The following TENT2 variants were observed in gnomAD, a reference collection of about 807,000 sequenced individuals.
The protein encoded by TENT2 is terminal nucleotidyltransferase 2, also known as poly(A) RNA polymerase GLD2.
Under a neutral mutation model 72.2 loss-of-function variants are expected in TENT2, and 44 were observed. That is an observed-to-expected ratio of 0.61 (90% CI 0.48 to 0.78). The LOEUF is 0.78. Among genes scored for constraint, TENT2 ranks in the 30% least tolerant of loss-of-function variants. The probability of loss-of-function intolerance (pLI) is 0.00; values close to 1 mark genes in which losing one functional copy is unlikely to be tolerated. For missense variants in TENT2, 541 were observed against 569.6 expected (o/e 0.95, Z 0.51); for synonymous variants, 212 against 192.5 (o/e 1.10, Z -0.84).
chr5:79,641,243 GT>G (rs771737857), intron 6 of TENT2, 47 bp downstream of exon 6: 49 of 1,452,896 alleles, frequency 3.4e-5, no homozygotes, highest in Non-Finnish European at 4.4e-5. Flanking sequence ...ATGTTAATGA[GT>G]TAAGAAATTT....
chr5:79,669,071 TG>T, intron 12 of TENT2, 43 bp downstream of exon 12: 1 of 1,595,190 alleles, frequency 6.3e-7, no homozygotes, highest in South Asian at 1.1e-5. Context: ...TATATGTGTG[TG>T]TGTGTGTATG....
intron 11 of TENT2, among the ~76,000 whole-genome samples, chr5:79,661,621 T>C (rs536032374): frequency 1.3e-5 from 2 of 152,322 alleles, no homozygotes; most frequent in East Asian, 3.9e-4. Flanking sequence ...GTCTAAAAAA[T>C]GTACATACCT....
At chr5:79,629,003 T>C (rs10072676) in intron 4 of TENT2, among the ~76,000 whole-genome samples, 3 of 152,116 alleles carry the variant, frequency 2.0e-5, no homozygotes, top group Non-Finnish European at 2.9e-5. Flanking sequence ...AAAATGGAGC[T>C]CTGAGTCAGT....
chr5:79,661,944 G>A (rs1803285710), intron 11 of TENT2, among the ~76,000 whole-genome samples: 1 of 152,170 alleles, frequency 6.6e-6, no homozygotes, highest in African/African-American at 2.4e-5. Flanking sequence ...CTAAGTTTAT[G>A]TAATGTTCTA....
intron 11 of TENT2, among the ~76,000 whole-genome samples, chr5:79,666,895 A>G (rs1172247196): frequency 2.0e-5 from 3 of 152,204 alleles, no homozygotes; most frequent in African/African-American, 4.8e-5. Context: ...AAGGATAGAT[A>G]GAATTACTGT....
chr5:79,674,330 C>T (rs373085514), intron 12 of TENT2, among the ~76,000 whole-genome samples: 3 of 152,056 alleles, frequency 2.0e-5, no homozygotes, highest in African/African-American at 4.8e-5. Context: ...TGCAGTGAGC[C>T]GAGATCGCGC....
chr5:79,673,986 A>G (rs575988530), intron 12 of TENT2, among the ~76,000 whole-genome samples: 51 of 152,324 alleles, frequency 3.3e-4, no homozygotes, highest in African/African-American at 1.0e-3. Context: ...GGGATAAAGG[A>G]ATATGTATTG....
intron 11 of TENT2, among the ~76,000 whole-genome samples, chr5:79,665,906 T>C (rs1247378377): frequency 6.6e-6 from 1 of 152,120 alleles, no homozygotes; most frequent in Non-Finnish European, 1.5e-5. Flanking sequence ...CCTTGTCCTA[T>C]CTGAAGTAGC....
chr5:79,615,546 TATC>T (rs1759016060), intron 1 of TENT2, among the ~76,000 whole-genome samples: 1 of 152,180 alleles, frequency 6.6e-6, no homozygotes, highest in South Asian at 2.1e-4. Context: ...TTGTATTTAA[TATC>T]ATTTTCTCAT....
intron 12 of TENT2, among the ~76,000 whole-genome samples, chr5:79,678,789 CA>C (rs745594387): frequency 3.9e-4 from 60 of 152,354 alleles, no homozygotes; most frequent in Non-Finnish European, 6.9e-4. Context: ...TATTTAATAA[CA>C]CAAGAAGATA....
intron 12 of TENT2, among the ~76,000 whole-genome samples, chr5:79,672,979 A>C (rs970929057): frequency 6.6e-6 from 1 of 152,170 alleles, no homozygotes; most frequent in Non-Finnish European, 1.5e-5. Context: ...TTTGGATAAA[A>C]GCCATTTTAA....
At chr5:79,674,730 G>A (rs1470628434) in intron 12 of TENT2, among the ~76,000 whole-genome samples, 1 of 151,832 alleles carries the variant, frequency 6.6e-6, no homozygotes, top group East Asian at 1.9e-4. Context: ...AATTTTTTTT[G>A]TATTTGAAAT....
intron 10 of TENT2, among the ~76,000 whole-genome samples, chr5:79,654,756 C>T (rs1457260454): frequency 1.4e-5 from 2 of 147,534 alleles, no homozygotes; most frequent in African/African-American, 2.7e-5. Flanking sequence ...AGAGCGAGAC[C>T]CTGTCTCAAA....
At chr5:79,647,906 C>T (rs760798922) in intron 8 of TENT2, among the ~76,000 whole-genome samples, 4 of 151,990 alleles carry the variant, frequency 2.6e-5, no homozygotes, top group Non-Finnish European at 5.9e-5. Context: ...ATAGCTCTTC[C>T]CAGGTATCAA....
At chr5:79,664,143 A>G (rs1005999784) in intron 11 of TENT2, among the ~76,000 whole-genome samples, 1 of 152,214 alleles carries the variant, frequency 6.6e-6, no homozygotes, top group Admixed American at 6.5e-5. Context: ...CATTTCATAT[A>G]AGGGACTTTA....
Position 79,619,804 on chromosome 5 carries a change from T to A in TENT2, c.137+19T>A, listed in dbSNP as rs765320164. ...ATGCAGAGTGAGTATGGTGATATTT[T>A]GGCCCATGTTGTTGGTAAATTTCAT... On this transcript the variant is annotated intron_variant, in intron 2 of 14. Transcript: ENST00000453514. The A allele has an allele frequency of 6.3e-7, 1 of 1,596,564 alleles. No homozygotes were observed. Among genetic ancestry groups the A allele is most frequent in the Non-Finnish European group, 8.5e-7 (1 of 1,171,372 alleles).
chr5:79,678,968 T>TCCA (rs1819594030), intron 12 of TENT2, among the ~76,000 whole-genome samples: 1 of 152,158 alleles, frequency 6.6e-6, no homozygotes, highest in Non-Finnish European at 1.5e-5. Context: ...TGCAGTGGCA[T>TCCA]GACCTCTGCT....
chr5:79,679,503 T>C, intron 12 of TENT2, 76 bp from the exon 13 acceptor site: 3 of 1,025,894 alleles, frequency 2.9e-6, no homozygotes, highest in East Asian at 5.5e-5. Flanking sequence ...GGGTAGGCCT[T>C]AGTATTGATA....
intron 14 of TENT2, among the ~76,000 whole-genome samples, chr5:79,683,541 A>G (rs1823873614): frequency 2.0e-5 from 3 of 152,256 alleles, no homozygotes; most frequent in Admixed American, 1.3e-4. Context: ...TAGATAAAAT[A>G]TAAGTATTCT....
Sources: allele counts gnomAD v4.1 joint callset (sites outside exome capture counted in the v4.1 genomes callset), GRCh38; gene constraint gnomAD v4.1.1; transcripts MANE v1.5; gene names NCBI Gene and HGNC (gene_info 2026-07-23, HGNC 2026-07-21).